The following CACNA1C variants were observed in gnomAD, a reference collection of about 807,000 sequenced individuals.
CACNA1C encodes voltage-dependent L-type calcium channel subunit alpha-1C.
A neutral mutation model predicts 229.0 loss-of-function variants in CACNA1C; 30 were observed. The ratio of observed to expected loss-of-function variants is 0.13; its 90% CI spans 0.10 to 0.18. CACNA1C has a LOEUF of 0.18. Among genes scored for constraint, CACNA1C ranks in the 10% least tolerant of loss-of-function variants. The probability of loss-of-function intolerance (pLI) is 1.00; values close to 1 mark genes in which losing one functional copy is unlikely to be tolerated. For missense variants in CACNA1C, 1,658 were observed against 2,845.0 expected, an observed-to-expected ratio of 0.58 and a Z score of 9.49; for synonymous variants, 1,114 against 1,132.5, an observed-to-expected ratio of 0.98 and a Z score of 0.33.
At chr12:2,135,591 TGG>T (rs1314307851) in intron 3 of CACNA1C, among the ~76,000 whole-genome samples, 2 of 135,534 alleles carry the variant, frequency 1.5e-5, no homozygotes, top group Admixed American at 7.3e-5. Flanking sequence ...CTGCCCCTGC[TGG>T]GGGGTGCCTC....
intron 1 of CACNA1C, among the ~76,000 whole-genome samples, chr12:2,007,449 G>T (rs541450766): frequency 4.5e-4 from 69 of 152,268 alleles, no homozygotes; most frequent in African/African-American, 1.7e-3. Context: ...GACTACAATT[G>T]CAAAGCATTT....
intron 3 of CACNA1C, among the ~76,000 whole-genome samples, chr12:2,301,364 G>A (rs1443786081): frequency 6.6e-6 from 1 of 152,178 alleles, no homozygotes; most frequent in Non-Finnish European, 1.5e-5. Context: ...TAAATTCTGT[G>A]ATCAGGCAAG....
At chr12:2,376,813 A>C (rs922789495) in intron 3 of CACNA1C, among the ~76,000 whole-genome samples, 1 of 150,856 alleles carries the variant, frequency 6.6e-6, no homozygotes, top group African/African-American at 2.4e-5. Flanking sequence ...TGCACAGAAA[A>C]CCCCCCACCT....
chr12:2,190,592 T>C (rs1188671866), intron 3 of CACNA1C, among the ~76,000 whole-genome samples: 1 of 152,184 alleles, frequency 6.6e-6, no homozygotes, highest in Non-Finnish European at 1.5e-5. Context: ...ATAATACAGT[T>C]CCTTTCCTCA....
At chr12:2,154,077 G>A (rs754228584) in intron 3 of CACNA1C, among the ~76,000 whole-genome samples, 1 of 152,058 alleles carries the variant, frequency 6.6e-6, no homozygotes, top group African/African-American at 2.4e-5. Flanking sequence ...TCTCTCACTC[G>A]AGTGATTTCC....
At chr12:2,567,120 A>G (rs189697725) in intron 12 of CACNA1C, among the ~76,000 whole-genome samples, 1 of 152,320 alleles carries the variant, frequency 6.6e-6, no homozygotes, top group Non-Finnish European at 1.5e-5. Context: ...GCAGTCAAGA[A>G]GACCTGGCCC....
At chr12:2,391,420 C>T (rs753770299) in intron 3 of CACNA1C, among the ~76,000 whole-genome samples, 3 of 152,100 alleles carry the variant, frequency 2.0e-5, no homozygotes, top group Non-Finnish European at 2.9e-5. Context: ...TTTTGGGCAA[C>T]GTCTAACCCC....
intron 3 of CACNA1C, among the ~76,000 whole-genome samples, chr12:2,125,132 G>C (rs539758064): frequency 6.8e-4 from 103 of 152,292 alleles, no homozygotes; most frequent in Middle Eastern, 3.4e-3. Context: ...GGAAGGCTTA[G>C]CCTGAGAGGT....
At chr12:2,684,154 C>G (rs574659263) in intron 43 of CACNA1C, among the ~76,000 whole-genome samples, 1 of 152,180 alleles carries the variant, frequency 6.6e-6, no homozygotes, top group Non-Finnish European at 1.5e-5. Context: ...GCTTTCTGCT[C>G]GGGAACTGGA....
At chr12:2,548,599 T>C (rs982206211) in intron 9 of CACNA1C, among the ~76,000 whole-genome samples, 1 of 152,144 alleles carries the variant, frequency 6.6e-6, no homozygotes, top group Non-Finnish European at 1.5e-5. Flanking sequence ...TTTAATTCAA[T>C]TTTATTAAAA....
At chr12:2,535,543 A>AAG (rs1054396958) in intron 9 of CACNA1C, among the ~76,000 whole-genome samples, 2 of 150,658 alleles carry the variant, frequency 1.3e-5, no homozygotes, top group African/African-American at 2.4e-5. Context: ...TATTAAAAAA[A>AAG]AAAAACAAAA....
intron 1 of CACNA1C, among the ~76,000 whole-genome samples, chr12:2,061,628 T>G (rs2057539684): frequency 6.6e-6 from 1 of 151,930 alleles, no homozygotes; most frequent in African/African-American, 2.4e-5. Flanking sequence ...CCACCTGCCA[T>G]GCTGCTGTCC....
At chr12:2,652,530 C>T (rs887770395) in intron 32 of CACNA1C, among the ~76,000 whole-genome samples, 1 of 152,254 alleles carries the variant, frequency 6.6e-6, no homozygotes, top group South Asian at 2.1e-4. Context: ...ATGGAGGGGC[C>T]GCTCTCAGCC....
chr12:2,307,741 C>G lies in CACNA1C; in HGVS notation c.478-141235C>G, dbSNP rs553695181. Among the ~76,000 whole-genome samples the G allele has an allele frequency of 2.0e-5, 3 of 152,298 alleles. No homozygotes were observed. The East Asian group carries it at 5.8e-4, about 29-fold the overall frequency. On this transcript the variant is annotated intron_variant, in intron 3 of 46. Coordinates refer to ENST00000399655, the MANE Select transcript of CACNA1C (RefSeq NM_000719.7). The stretch of plus-strand genomic sequence containing the variant: ...TCAGGTGCATTTGAATTTGCATGGT[C>G]TGTTTTACAGGGCAGGAGGTGCAAA...
At chr12:2,037,167 T>C (rs945247752) in intron 1 of CACNA1C, among the ~76,000 whole-genome samples, 5 of 152,164 alleles carry the variant, frequency 3.3e-5, no homozygotes, top group African/African-American at 1.2e-4. Context: ...CATCTATACA[T>C]AGGAGTAAAC....
At chr12:2,339,902 C>T (rs138300555) in intron 3 of CACNA1C, among the ~76,000 whole-genome samples, 115 of 152,304 alleles carry the variant, frequency 7.6e-4, no homozygotes, top group Admixed American at 1.2e-3. Context: ...ATACTACTCT[C>T]TTTTATGTGT....
intron 1 of CACNA1C, among the ~76,000 whole-genome samples, chr12:2,100,486 A>AC (rs34911991): frequency 2.7e-5 from 4 of 149,960 alleles, no homozygotes; most frequent in Admixed American, 2.0e-4. Context: ...AAAACAAAAA[A>AC]AAAAAACAAC....
chr12:2,086,123 G>A (rs1284945581), intron 1 of CACNA1C, among the ~76,000 whole-genome samples: 1 of 151,960 alleles, frequency 6.6e-6, no homozygotes, highest in Non-Finnish European at 1.5e-5. Context: ...CTACATGGTA[G>A]ACTGTTTGTC....
Position 2,426,246 on chromosome 12 carries a change from C to T in CACNA1C, c.478-22730C>T, listed in dbSNP as rs571291081. Among the ~76,000 whole-genome samples, 39 of 152,278 alleles carry T rather than the reference C, an allele frequency of 2.6e-4. 2 individuals carry two copies. The South Asian group carries it at 5.2e-3, about 20-fold the overall frequency. ...GTCTAAATATGATACATGCCTTTGCCGTGAAGGACTGGCAATCTAATTGAG... is the reference window on the plus strand; with the variant it reads ...GTCTAAATATGATACATGCCTTTGCTGTGAAGGACTGGCAATCTAATTGAG... On this transcript the variant is annotated intron_variant, in intron 3 of 46. Coordinates refer to ENST00000399655, the MANE Select transcript of CACNA1C (RefSeq NM_000719.7).
Sources: allele counts gnomAD v4.1 joint callset (sites outside exome capture counted in the v4.1 genomes callset), GRCh38; gene constraint gnomAD v4.1.1; transcripts MANE v1.5; gene names NCBI Gene and HGNC (gene_info 2026-07-23, HGNC 2026-07-21).